RABGAP1: variants seen among roughly 807,000 people sequenced by gnomAD.
RABGAP1 encodes RAB GTPase activating protein 1.
Under a neutral mutation model 137.6 loss-of-function variants are expected in RABGAP1, and 23 were observed. The observed-to-expected ratio is 0.17, with a 90% CI of 0.12 to 0.24. The LOEUF (loss-of-function observed/expected upper bound fraction) is 0.24. RABGAP1 is among the 10% of genes least tolerant of loss of function. The pLI, the probability that RABGAP1 is intolerant of heterozygous loss-of-function variation, is 1.00. For missense variants in RABGAP1, 906 were observed against 1,275.8 expected (o/e 0.71, Z 4.42); for synonymous variants, 451 against 450.7 (o/e 1.00, Z -0.01).
rs117160188 is a variant in RABGAP1, at chr9:123,073,312, G to A, written c.1984-240G>A. On this transcript the variant is annotated intron_variant, in intron 15 of 25. Transcript: ENST00000373647. The stretch of plus-strand genomic sequence containing the variant: ...TATTACAGTTATTTTAATACTGGCT[G>A]TGTGAGAGACTCCTTGAGGACAGGA... Among the ~76,000 whole-genome samples, 1,109 of 152,320 alleles carry A rather than the reference G, an allele frequency of 7.3e-3. 8 individuals are homozygous for A. The highest frequency in any genetic ancestry group is 0.013 in the Non-Finnish European group (905 of 68,022).
chr9:123,042,122 T>G (rs942534894), intron 13 of RABGAP1, among the ~76,000 whole-genome samples: 1 of 152,228 alleles, frequency 6.6e-6, no homozygotes, highest in Non-Finnish European at 1.5e-5. Context: ...GTCTGTGTGT[T>G]AAATAATCAG....
At chr9:123,077,178 C>G (rs138637757) in intron 19 of RABGAP1, among the ~76,000 whole-genome samples, 5 of 120,968 alleles carry the variant, frequency 4.1e-5, no homozygotes, top group African/African-American at 1.0e-4. Context: ...TTTTTTTTTT[C>G]TTTTTTTTGA....
intron 4 of RABGAP1, 57 bp from the exon 5 acceptor site, chr9:122,989,240 C>G: frequency 6.9e-7 from 1 of 1,448,304 alleles, no homozygotes; most frequent in Non-Finnish European, 9.7e-7. Context: ...TTAATCTAAA[C>G]GTAGTGCAGA....
chr9:123,052,760 T>C (rs973198930), intron 13 of RABGAP1, among the ~76,000 whole-genome samples: 8 of 151,886 alleles, frequency 5.3e-5, no homozygotes, highest in Non-Finnish European at 1.2e-4. Flanking sequence ...CGAAACCCCA[T>C]CTCTACCAAA....
At position 122,992,620 on chromosome 9, in the gene RABGAP1, A is replaced by T. The variant is rs547998629; in HGVS notation, c.923+2407A>T. Among the ~76,000 whole-genome samples the T allele has an allele frequency of 8.6e-5, 13 of 150,962 alleles. No individual in the cohort carries two copies. The East Asian group carries it at 2.5e-3, about 29-fold the overall frequency. On this transcript the variant is annotated intron_variant, in intron 6 of 25. Coordinates refer to ENST00000373647, the MANE Select transcript of RABGAP1 (RefSeq NM_012197.4). ...TTGCTGAATTTCTGGTTTATAATAA[A>T]TACTGTTATGTTAACTTAAATATAT...
At chr9:123,097,104 C>T (rs1279828566) in intron 21 of RABGAP1, among the ~76,000 whole-genome samples, 1 of 152,116 alleles carries the variant, frequency 6.6e-6, no homozygotes, top group East Asian at 1.9e-4. Context: ...CTTTGGAGTG[C>T]CCAGCACCAG....
chr9:122,975,991 C>G (rs1835741750), intron 2 of RABGAP1, among the ~76,000 whole-genome samples: 1 of 152,142 alleles, frequency 6.6e-6, no homozygotes, highest in Admixed American at 6.5e-5. Flanking sequence ...GCTTTGCACA[C>G]TACAGTTCTA....
chr9:123,004,401 C>T (rs2030019977), intron 10 of RABGAP1, among the ~76,000 whole-genome samples: 1 of 152,056 alleles, frequency 6.6e-6, no homozygotes, highest in African/African-American at 2.4e-5. Flanking sequence ...GATCCTCCTA[C>T]ATCAGCCTCC....
chr9:122,990,122 G>C lies in RABGAP1; in HGVS notation c.832G>C (p.Ala278Pro). ...RRSAKQTPLS[A>P]TAAPQTPDSD... ...TTCTGCCAAGCAGACCCCACTTTCAGCCACTGCTGCACCCCAGACTCCTGA... is the reference window on the plus strand; with the variant it reads ...TTCTGCCAAGCAGACCCCACTTTCACCCACTGCTGCACCCCAGACTCCTGA... The change falls in exon 6 of 26, where the codon GCC (alanine) becomes CCC (proline). Residue 278 changes from alanine (A) to proline (P), a missense_variant. By Grantham distance (27) the Ala-to-Pro change is conservative (BLOSUM62 -1). Coordinates refer to ENST00000373647, the MANE Select transcript of RABGAP1 (RefSeq NM_012197.4). 6.2e-7 allele frequency: 1 copy of C among 1,610,698 alleles called. No individual in the cohort carries two copies. The highest frequency in any genetic ancestry group is 8.5e-7 in the Non-Finnish European group (1 of 1,177,050).
At chr9:122,951,830 C>G (rs1375124245) in intron 1 of RABGAP1, among the ~76,000 whole-genome samples, 1 of 152,180 alleles carries the variant, frequency 6.6e-6, no homozygotes, top group African/African-American at 2.4e-5. Flanking sequence ...ACCTCAGCCT[C>G]TCAAGTTTTT....
At chr9:123,083,447 A>T (rs985384547) in intron 19 of RABGAP1, among the ~76,000 whole-genome samples, 1 of 152,162 alleles carries the variant, frequency 6.6e-6, no homozygotes, top group African/African-American at 2.4e-5. Context: ...TGAACCCTAA[A>T]TTTTGCCAGT....
In RABGAP1 at chr9:123,070,006, G is replaced by C. The variant is rs1220780585; in HGVS notation, c.1909-344G>C. On this transcript the variant is annotated intron_variant, in intron 14 of 25. Coordinates refer to ENST00000373647, the MANE Select transcript of RABGAP1 (RefSeq NM_012197.4). This position sits in a 1 kb window ranked among gnomAD's most constrained non-coding sequence, Gnocchi z 4.4. The stretch of plus-strand genomic sequence containing the variant: ...GGGAATTGAAATAAGTTTGGTGCCT[G>C]AAGGAAGAGTGCATGTTTGAGGCAG... 6.6e-6 allele frequency among the ~76,000 whole-genome samples: 1 copy of C among 152,216 alleles called. No homozygotes were observed. Among genetic ancestry groups the C allele is most frequent in the East Asian group, 1.9e-4 (1 of 5,200 alleles).
At chr9:123,024,442 T>C (rs2031834696) in intron 13 of RABGAP1, among the ~76,000 whole-genome samples, 1 of 151,740 alleles carries the variant, frequency 6.6e-6, no homozygotes, top group Non-Finnish European at 1.5e-5. Flanking sequence ...CATATCTTTT[T>C]TTTTTTTTTT....
intron 19 of RABGAP1, among the ~76,000 whole-genome samples, chr9:123,079,074 G>T (rs994177984): frequency 6.6e-6 from 1 of 152,056 alleles, no homozygotes; most frequent in African/African-American, 2.4e-5. Flanking sequence ...TCCTCACTGA[G>T]ATATTGTGTG....
intron 13 of RABGAP1, chr9:123,034,353 C>G (rs2032487973): frequency 1.8e-6 from 1 of 568,186 alleles, no homozygotes; most frequent in Non-Finnish European, 3.1e-6. Flanking sequence ...GGCCAGACAA[C>G]TGCTGCTGGC....
chr9:123,010,822 G>A (rs1202208938), intron 11 of RABGAP1, among the ~76,000 whole-genome samples: 1 of 152,024 alleles, frequency 6.6e-6, no homozygotes, highest in Non-Finnish European at 1.5e-5. Flanking sequence ...GAACAAGTTT[G>A]ACACAGCTTA....
upstream of RABGAP1, chr9:122,938,225 T>C (rs1348928106): frequency 6.6e-6 from 1 of 152,144 alleles, no homozygotes; most frequent in Non-Finnish European, 1.5e-5. Context: ...AACCTCCCCT[T>C]TTCCCTGCTC....
chr9:123,079,165 CCTTGTTTGTTT>C (rs1256859795), intron 19 of RABGAP1, among the ~76,000 whole-genome samples: 5 of 151,584 alleles, frequency 3.3e-5, no homozygotes, highest in Non-Finnish European at 7.4e-5. Flanking sequence ...AACTGTGCCC[CCTTGTTTGTTT>C]CTTTTTTAAA....
chr9:123,060,322 G>A (rs2033919292), intron 13 of RABGAP1, among the ~76,000 whole-genome samples: 1 of 152,024 alleles, frequency 6.6e-6, no homozygotes, highest in Non-Finnish European at 1.5e-5. Context: ...TAACCATTTC[G>A]GTTTCTGTCA....
Sources: gnomAD v4.1 joint callset for allele counts (sites outside exome capture counted in the v4.1 genomes callset) on GRCh38, gnomAD v4.1.1 for gene constraint, Gnocchi (gnomAD v3.1) non-coding constraint, MANE v1.5 for transcripts, NCBI Gene and HGNC (gene_info 2026-07-23, HGNC 2026-07-21) for gene names.